The following LMAN1 variants were observed in gnomAD, a reference collection of about 807,000 sequenced individuals.
LMAN1 encodes lectin, mannose binding 1.
A neutral mutation model predicts 67.8 loss-of-function variants in LMAN1; 32 were observed. The observed-to-expected ratio is 0.47, with a 90% CI of 0.36 to 0.63. LMAN1 has a LOEUF of 0.63. LMAN1 is among the 30% of genes least tolerant of loss of function. The pLI is 0.00. For missense variants in LMAN1, 632 were observed against 628.2 expected (o/e 1.01, Z -0.06); for synonymous variants, 235 against 219.3 (o/e 1.07, Z -0.63).
Position 59,355,301 on chromosome 18 carries a change from C to G in LMAN1, c.477+12G>C, listed in dbSNP as rs771320192. The G allele has an allele frequency of 1.1e-5, 18 of 1,584,792 alleles. No homozygotes were observed. Among genetic ancestry groups the G allele is most frequent in the South Asian group, 2.2e-5 (2 of 89,670 alleles). ...GTATTAAAGTGGATAACAGTCCTGACAATAAATATACCTTTCCATCATTGT... is the reference window on the plus strand; with the variant it reads ...GTATTAAAGTGGATAACAGTCCTGAGAATAAATATACCTTTCCATCATTGT... On this transcript the variant is annotated intron_variant, in intron 3 of 12. Transcript: ENST00000251047.
intron 5 of LMAN1, among the ~76,000 whole-genome samples, chr18:59,350,592 T>A (rs1266232254): frequency 1.3e-5 from 2 of 152,118 alleles, no homozygotes; most frequent in East Asian, 3.9e-4. Context: ...CCTCCAGGGT[T>A]CACGCCATTC....
At chr18:59,333,501 C>A in intron 10 of LMAN1, 1 of 411,448 alleles carries the variant, frequency 2.4e-6, no homozygotes, top group South Asian at 2.7e-5. Context: ...TGTGTTAAAA[C>A]CAATAGTATA....
chr18:59,353,615 A>G (rs1290228198), intron 4 of LMAN1, among the ~76,000 whole-genome samples: 9 of 152,104 alleles, frequency 5.9e-5, no homozygotes, highest in Non-Finnish European at 1.3e-4. Flanking sequence ...CAGGGCTGAA[A>G]CTCACTAAGG....
At chr18:59,356,273 A>G (rs1422283576) in intron 1 of LMAN1, among the ~76,000 whole-genome samples, 1 of 152,222 alleles carries the variant, frequency 6.6e-6, no homozygotes, top group Non-Finnish European at 1.5e-5. Flanking sequence ...GAAGATTCTC[A>G]GAGAAAATAG....
chr18:59,342,196 C>A (rs1908303882), intron 8 of LMAN1, among the ~76,000 whole-genome samples: 3 of 151,674 alleles, frequency 2.0e-5, no homozygotes, highest in African/African-American at 7.3e-5. Context: ...AAAAAAAAAT[C>A]TCTTAACAAC....
intron 8 of LMAN1, among the ~76,000 whole-genome samples, chr18:59,339,386 G>C (rs985683961): frequency 2.0e-5 from 3 of 152,160 alleles, no homozygotes; most frequent in African/African-American, 7.2e-5. Context: ...GTTTGAGGCA[G>C]CTTGCCCAGC....
intron 10 of LMAN1, among the ~76,000 whole-genome samples, chr18:59,335,164 T>C (rs1908113410): frequency 6.6e-6 from 1 of 152,176 alleles, no homozygotes; most frequent in South Asian, 2.1e-4. Context: ...CTGGGTGCAG[T>C]GGCTAACACC....
intron 8 of LMAN1, among the ~76,000 whole-genome samples, chr18:59,342,048 A>C (rs891259061): frequency 4.6e-5 from 7 of 152,234 alleles, no homozygotes; most frequent in Non-Finnish European, 1.0e-4. Context: ...CTATTTGAAC[A>C]CCTATATGCT....
intron 10 of LMAN1, among the ~76,000 whole-genome samples, chr18:59,336,574 G>A (rs1345465042): frequency 6.6e-6 from 1 of 152,190 alleles, no homozygotes; most frequent in African/African-American, 2.4e-5. Context: ...CAAATATGGA[G>A]GGAATTATTT....
chr18:59,354,484 T>C, intron 4 of LMAN1, 35 bp downstream of exon 4: 1 of 1,198,466 alleles, frequency 8.3e-7, no homozygotes, highest in Non-Finnish European at 1.2e-6. Flanking sequence ...AAAAAGAAGC[T>C]GAAATCAGGA....
At chr18:59,344,431 G>A (rs904895409) in intron 8 of LMAN1, among the ~76,000 whole-genome samples, 11 of 151,562 alleles carry the variant, frequency 7.3e-5, no homozygotes, top group African/African-American at 1.7e-4. Context: ...AAAATGTGGC[G>A]TGTGTGTGTG....
Position 59,355,491 on chromosome 18 carries a change from G to C in LMAN1, c.369+13C>G, listed in dbSNP as rs1302164808. Reference sequence around the variant, plus strand: ...ATTTATGCACATTTTCTAAGTTAAAGAAATGATCATACTAGGCCATCAGCT... The same window carrying C: ...ATTTATGCACATTTTCTAAGTTAAACAAATGATCATACTAGGCCATCAGCT... On this transcript the variant is annotated intron_variant, in intron 2 of 12. Transcript: ENST00000251047. 2 of 1,613,918 alleles carry C rather than the reference G, an allele frequency of 1.2e-6. No individual in the cohort carries two copies. Among genetic ancestry groups the C allele is most frequent in the African/African-American group, 2.7e-5 (2 of 74,918 alleles).
In LMAN1 at chr18:59,328,429, T is replaced by C. The variant is rs1321165518; in HGVS notation, c.*2664A>G. ...GTAATAATCTGGATTCAGTCTGTAGTTGCTCATGAACCACGCGTTTTAATA... is the reference window on the plus strand; with the variant it reads ...GTAATAATCTGGATTCAGTCTGTAGCTGCTCATGAACCACGCGTTTTAATA... On this transcript the variant is annotated 3_prime_UTR_variant, in exon 13 of 13. Coordinates refer to ENST00000251047, the MANE Select transcript of LMAN1 (RefSeq NM_005570.4). The C allele has an allele frequency of 2.0e-5, 3 of 152,222 alleles. No individual in the cohort carries two copies. Among genetic ancestry groups the C allele is most frequent in the African/African-American group, 7.2e-5 (3 of 41,468 alleles). The allele number at this position is 152,222 out of a possible 1,614,324, so 9.4% of individuals were successfully genotyped here.
intron 7 of LMAN1, among the ~76,000 whole-genome samples, chr18:59,346,586 T>C (rs1908414079): frequency 6.6e-6 from 1 of 151,552 alleles, no homozygotes; most frequent in Admixed American, 6.6e-5. Flanking sequence ...AGTGTCTTGA[T>C]CTCAGCTTAC....
chr18:59,356,925 A>G (rs180753251), intron 1 of LMAN1, among the ~76,000 whole-genome samples: 2 of 152,354 alleles, frequency 1.3e-5, no homozygotes, highest in African/African-American at 4.8e-5. Context: ...CCTTAAGTGT[A>G]CTAAAGGAAC....
chr18:59,338,823 A>G lies in LMAN1; in HGVS notation c.1086T>C (p.Tyr362=), dbSNP rs367976630. The G allele has an allele frequency of 2.5e-5, 41 of 1,613,944 alleles. No individual in the cohort carries two copies. Among genetic ancestry groups the G allele is most frequent in the African/African-American group, 4.0e-5 (3 of 74,898 alleles). Residue 362 remains tyrosine (Y), a synonymous_variant, in exon 9 of 13, where the codon TAT becomes TAC. Transcript: ENST00000251047. ...AGATTTCCTCTGTTAAGGAAGAGAC[A>G]TATCTTCTCTGTTCATCAAGAATCA... ...LDMILDEQRR[Y]VSSLTEEISK...
chr18:59,347,883 C>T lies in LMAN1; in HGVS notation c.764-312G>A, dbSNP rs908947338. 2.0e-5 allele frequency among the ~76,000 whole-genome samples: 3 copies of T among 152,198 alleles called. No homozygotes were observed. In the East Asian group the frequency reaches 5.8e-4, roughly 29 times the overall value. The stretch of plus-strand genomic sequence containing the variant: ...AGAAATGAACAAACAAATGAAGGGT[C>T]AAAAGAAGTCCAAACTCCTTATTCT... On this transcript the variant is annotated intron_variant, in intron 6 of 12. Transcript: ENST00000251047.
intron 5 of LMAN1, among the ~76,000 whole-genome samples, chr18:59,349,514 G>C (rs41329545): frequency 3.2e-4 from 49 of 152,268 alleles, no homozygotes; most frequent in African/African-American, 1.1e-3. Context: ...AGAAGACCTA[G>C]GGAGTCATCA....
At chr18:59,347,456 G>A (rs8089719) in intron 7 of LMAN1, 57 bp downstream of exon 7, 55 of 1,243,566 alleles carry the variant, frequency 4.4e-5, no homozygotes, top group Middle Eastern at 4.0e-4. Context: ...CTTCCAAAAC[G>A]TTCAGCTAAA....
Sources: gnomAD v4.1 joint callset for allele counts (sites outside exome capture counted in the v4.1 genomes callset) on GRCh38, gnomAD v4.1.1 for gene constraint, MANE v1.5 for transcripts, NCBI Gene and HGNC (gene_info 2026-07-23, HGNC 2026-07-21) for gene names.